Variants in LINGO2 observed in about 807,000 individuals in gnomAD.
The protein encoded by LINGO2 is leucine rich repeat and Ig domain containing 2.
In LINGO2, 14 loss-of-function variants were observed where a neutral mutation model predicts 30.6. That is an observed-to-expected ratio of 0.46 (90% CI 0.30 to 0.72). The LOEUF (loss-of-function observed/expected upper bound fraction) is 0.72, where lower values mean the gene tolerates loss of function less well. LINGO2 is among the 30% of genes least tolerant of loss of function. The pLI, the probability that LINGO2 is intolerant of heterozygous loss-of-function variation, is 0.07. For synonymous variants in LINGO2, 317 were observed against 288.5 expected, an observed-to-expected ratio of 1.10 and a Z score of -1.00; for missense variants, 729 against 751.7, an observed-to-expected ratio of 0.97 and a Z score of 0.35.
intron 4 of LINGO2, among the ~76,000 whole-genome samples, chr9:28,177,383 A>G (rs1828778181): frequency 6.6e-6 from 1 of 152,190 alleles, no homozygotes; most frequent in African/African-American, 2.4e-5. Context: ...CTCCTAGGGA[A>G]ATCCGAATTT....
chr9:28,725,200 C>A, the LINGO2 span, among the ~76,000 whole-genome samples: 1 of 151,586 alleles, frequency 6.6e-6, no homozygotes, highest in African/African-American at 2.4e-5. Context: ...CACGTATTAC[C>A]TATATGTATG....
chr9:29,108,487 T>C, the LINGO2 span, among the ~76,000 whole-genome samples: 2 of 152,156 alleles, frequency 1.3e-5, no homozygotes, highest in African/African-American at 4.8e-5. Flanking sequence ...CAGTAAGTTC[T>C]CAATAATGTA....
chr9:29,210,001 A>G, the LINGO2 span, among the ~76,000 whole-genome samples: 1 of 152,176 alleles, frequency 6.6e-6, no homozygotes, highest in Non-Finnish European at 1.5e-5. Context: ...CAGAATATCT[A>G]GAGACCAAAC....
the LINGO2 span, among the ~76,000 whole-genome samples, chr9:29,018,091 T>TATATATA: frequency 1.3e-4 from 3 of 23,206 alleles, no homozygotes; most frequent in African/African-American, 2.4e-4. Flanking sequence ...AATATACATT[T>TATATATA]TATATATATA....
chr9:28,666,903 C>T (rs1018159915), intron 1 of LINGO2, among the ~76,000 whole-genome samples: 1 of 152,030 alleles, frequency 6.6e-6, no homozygotes, highest in Admixed American at 6.5e-5. Flanking sequence ...AATGAAAATA[C>T]AACAATTATA....
At chr9:29,153,199 AT>A in the LINGO2 span, among the ~76,000 whole-genome samples, 1 of 152,026 alleles carries the variant, frequency 6.6e-6, no homozygotes, top group Non-Finnish European at 1.5e-5. Flanking sequence ...TTTTTCATTT[AT>A]TTTTAGCTTA....
the LINGO2 span, among the ~76,000 whole-genome samples, chr9:28,709,739 T>C: frequency 1.3e-5 from 2 of 151,974 alleles, no homozygotes; most frequent in South Asian, 4.1e-4. Context: ...AAATTATATA[T>C]GTATACTAAT....
chr9:28,168,698 G>A (rs1334130640), intron 4 of LINGO2, among the ~76,000 whole-genome samples: 1 of 152,240 alleles, frequency 6.6e-6, no homozygotes, highest in East Asian at 1.9e-4. Flanking sequence ...ACATGCAAAT[G>A]ATTATATGGA....
intron 1 of LINGO2, among the ~76,000 whole-genome samples, chr9:28,602,549 T>C (rs1825532475): frequency 6.6e-6 from 1 of 152,102 alleles, no homozygotes; most frequent in South Asian, 2.1e-4. Flanking sequence ...GTGATTATTC[T>C]TAAAACCGCC....
Position 28,329,181 on chromosome 9 carries a change from G to C in LINGO2, c.-245-33815C>G, listed in dbSNP as rs1452167836. Among the ~76,000 whole-genome samples, 1 of 152,140 alleles carries C rather than the reference G, an allele frequency of 6.6e-6. No homozygotes were observed. The highest frequency in any genetic ancestry group is 1.5e-5 in the Non-Finnish European group (1 of 68,030). ...TCCCAAATCTGAAACCAAGCCTCCA[G>C]TTTCCAAAGGAGCCGAGATTTCCTA... is the stretch of plus-strand genomic sequence containing the variant. On this transcript the variant is annotated intron_variant, in intron 3 of 5. Coordinates refer to ENST00000379992, the Ensembl canonical transcript of LINGO2. This position sits in a 1 kb window ranked among gnomAD's most constrained non-coding sequence, Gnocchi z 4.5.
intron 2 of LINGO2, among the ~76,000 whole-genome samples, chr9:28,426,488 T>C (rs990015933): frequency 3.3e-5 from 5 of 152,124 alleles, no homozygotes; most frequent in African/African-American, 1.2e-4. Context: ...GAATTTTGCA[T>C]GGACTAGCAC....
At chr9:28,775,760 C>G in the LINGO2 span, among the ~76,000 whole-genome samples, 1 of 152,092 alleles carries the variant, frequency 6.6e-6, no homozygotes, top group Non-Finnish European at 1.5e-5. Context: ...ATTCTCCATG[C>G]AAAACTATTG....
chr9:28,761,717 A>G, the LINGO2 span, among the ~76,000 whole-genome samples: 8 of 152,058 alleles, frequency 5.3e-5, no homozygotes, highest in African/African-American at 1.9e-4. Flanking sequence ...TGCAAATTAA[A>G]CATTAAAGAC....
At chr9:28,990,931 G>T in the LINGO2 span, among the ~76,000 whole-genome samples, 9,151 of 152,256 alleles carry the variant, frequency 0.06, 351 homozygotes, top group Non-Finnish European at 0.092. Context: ...AGAGCAGAAA[G>T]ACTGGAAACT....
chr9:28,506,503 G>GATATATATATATAT (rs1380029523), intron 1 of LINGO2, among the ~76,000 whole-genome samples: 1 of 83,136 alleles, frequency 1.2e-5, no homozygotes, highest in Admixed American at 1.5e-4. Context: ...CACACACACA[G>GATATATATATATAT]ACATATATAT....
chr9:28,984,003 C>A, the LINGO2 span, among the ~76,000 whole-genome samples: 1 of 152,024 alleles, frequency 6.6e-6, no homozygotes, highest in South Asian at 2.1e-4. Context: ...TCACTTCTAT[C>A]TTTGCACAAC....
At chr9:28,402,603 C>T (rs1288180132) in intron 2 of LINGO2, among the ~76,000 whole-genome samples, 1 of 151,848 alleles carries the variant, frequency 6.6e-6, no homozygotes, top group Non-Finnish European at 1.5e-5. Context: ...CCCTTCCTTC[C>T]TCTCTTCTTT....
At chr9:28,901,995 G>T in the LINGO2 span, among the ~76,000 whole-genome samples, 1 of 152,020 alleles carries the variant, frequency 6.6e-6, no homozygotes, top group South Asian at 2.1e-4. Context: ...TCCAAGACCA[G>T]CCCCAGCAAT....
chr9:28,342,487 G>A (rs899876075), intron 3 of LINGO2, among the ~76,000 whole-genome samples: 14 of 152,112 alleles, frequency 9.2e-5, no homozygotes, highest in African/African-American at 3.4e-4. Context: ...CAGTGGTACT[G>A]GAATCTCAAA....
Sources: gnomAD v4.1 joint callset for allele counts (sites outside exome capture counted in the v4.1 genomes callset) on GRCh38, gnomAD v4.1.1 for gene constraint, Gnocchi (gnomAD v3.1) non-coding constraint, MANE v1.5 for transcripts, NCBI Gene and HGNC (gene_info 2026-07-23, HGNC 2026-07-21) for gene names.